Variants in VAPB observed in about 807,000 individuals in gnomAD.
VAPB encodes the protein vesicle-associated membrane protein-associated protein B/C.
Under a neutral mutation model 25.6 loss-of-function variants are expected in VAPB, and 7 were observed. The observed-to-expected ratio is 0.27, with a 90% CI of 0.16 to 0.51. The LOEUF (loss-of-function observed/expected upper bound fraction) is 0.51. VAPB is among the 20% of genes least tolerant of loss of function. The pLI is 0.97. For synonymous variants in VAPB, 112 were observed against 109.2 expected (o/e 1.03, Z -0.16); for missense variants, 266 against 301.3 (o/e 0.88, Z 0.87).
intron 1 of VAPB, among the ~76,000 whole-genome samples, chr20:58,394,869 G>A (rs768309515): frequency 8.5e-5 from 13 of 152,162 alleles, no homozygotes; most frequent in Non-Finnish European, 2.9e-5. Context: ...ATCCAAGTGT[G>A]GATTTACTAA....
chr20:58,437,368 A>C lies in VAPB; in HGVS notation c.316-1577A>C, dbSNP rs1336038488. 2.0e-5 allele frequency among the ~76,000 whole-genome samples: 3 copies of C among 152,270 alleles called. No individual in the cohort carries two copies. In the East Asian group the frequency reaches 5.8e-4, roughly 29 times the overall value. On this transcript the variant is annotated intron_variant, in intron 3 of 5. Coordinates refer to ENST00000475243, the MANE Select transcript of VAPB (RefSeq NM_004738.5). ...GATTATTTCCTCATGATTAAATTCA[A>C]GTTAAATGTGTTTTGGCAAGAATAT... is the stretch of plus-strand genomic sequence containing the variant.
intron 3 of VAPB, among the ~76,000 whole-genome samples, 194 bp from the exon 4 acceptor site, chr20:58,438,751 T>G (rs1041905578): frequency 6.6e-6 from 1 of 152,210 alleles, no homozygotes; most frequent in Non-Finnish European, 1.5e-5. Context: ...TGAAGTGTAA[T>G]ATTTTGAGAA....
chr20:58,402,008 T>G (rs1048861697), intron 1 of VAPB, among the ~76,000 whole-genome samples: 2 of 152,362 alleles, frequency 1.3e-5, no homozygotes, highest in South Asian at 2.1e-4. Context: ...TTAACTGGTC[T>G]TCTTGTCCGA....
intron 1 of VAPB, among the ~76,000 whole-genome samples, chr20:58,399,846 G>A (rs527640757): frequency 6.6e-6 from 1 of 152,064 alleles, no homozygotes; most frequent in Non-Finnish European, 1.5e-5. Flanking sequence ...ACTATCAACT[G>A]TACCTTCCCT....
intron 2 of VAPB, among the ~76,000 whole-genome samples, chr20:58,425,359 G>C (rs1468110019): frequency 6.6e-6 from 1 of 152,198 alleles, no homozygotes; most frequent in African/African-American, 2.4e-5. Flanking sequence ...GGGTAAAGAA[G>C]GGTTTCCTCT....
At chr20:58,436,419 C>T (rs1989047701) in intron 3 of VAPB, among the ~76,000 whole-genome samples, 1 of 150,114 alleles carries the variant, frequency 6.7e-6, no homozygotes, top group Non-Finnish European at 1.5e-5. Flanking sequence ...CTGCAGCCTC[C>T]ACCTCCTGGG....
At chr20:58,442,509 A>T (rs1247140688) in intron 5 of VAPB, among the ~76,000 whole-genome samples, 3 of 152,142 alleles carry the variant, frequency 2.0e-5, no homozygotes, top group African/African-American at 7.2e-5. Flanking sequence ...CTGTGCAGTG[A>T]TACGGGCCAT....
intron 1 of VAPB, among the ~76,000 whole-genome samples, chr20:58,413,709 C>T (rs1988441239): frequency 6.6e-6 from 1 of 151,848 alleles, no homozygotes. Context: ...TCCTCACTTC[C>T]CAGTAGGGGC....
intron 4 of VAPB, chr20:58,440,618 G>A (rs184074622): frequency 2.3e-4 from 75 of 325,514 alleles, no homozygotes; most frequent in African/African-American, 1.5e-3. Context: ...TGATTTTTCC[G>A]TGGCAGGAAT....
In VAPB at chr20:58,444,546, C is replaced by T. The variant is rs1362117719; in HGVS notation, c.*311C>T. On this transcript the variant is annotated 3_prime_UTR_variant, in exon 6 of 6. Coordinates refer to ENST00000475243, the MANE Select transcript of VAPB (RefSeq NM_004738.5). ...AATGTCATTTTAAACATTGGTAGGC[C>T]TTGGTACATGATGCTGGATTACCTC... The T allele has an allele frequency of 2.0e-6, 1 of 498,586 alleles. No homozygotes were observed. Among genetic ancestry groups the T allele is most frequent in the Non-Finnish European group, 3.9e-6 (1 of 256,250 alleles). 30.9% of individuals were successfully genotyped at this position (498,586 alleles called of 1,614,324 possible).
chr20:58,397,678 G>T (rs1400317536), intron 1 of VAPB, among the ~76,000 whole-genome samples: 1 of 152,194 alleles, frequency 6.6e-6, no homozygotes, highest in East Asian at 1.9e-4. Flanking sequence ...CACTTATTAA[G>T]ATAGGAATGT....
intron 4 of VAPB, chr20:58,439,399 A>G (rs1354912866): frequency 3.9e-6 from 1 of 255,230 alleles, no homozygotes; most frequent in Non-Finnish European, 7.7e-6. Context: ...GGAAGCTTTC[A>G]AGTTCTCTTG....
At chr20:58,440,703 C>A in intron 4 of VAPB, 1 of 506,802 alleles carries the variant, frequency 2.0e-6, no homozygotes, top group Non-Finnish European at 3.5e-6. Context: ...ATTATTTGCC[C>A]TTATCCATAA....
intron 2 of VAPB, among the ~76,000 whole-genome samples, chr20:58,428,644 A>G (rs1000267766): frequency 1.3e-5 from 2 of 152,172 alleles, no homozygotes; most frequent in Admixed American, 6.5e-5. Flanking sequence ...AAAGTGAAAT[A>G]AATTTAAGTT....
At chr20:58,441,767 T>G (rs1173369299) in intron 5 of VAPB, among the ~76,000 whole-genome samples, 1 of 152,242 alleles carries the variant, frequency 6.6e-6, no homozygotes, top group Non-Finnish European at 1.5e-5. Context: ...GTGAGAATCT[T>G]TTTTCAGAGA....
intron 5 of VAPB, among the ~76,000 whole-genome samples, chr20:58,442,173 TCTC>T (rs1989175952): frequency 6.6e-6 from 1 of 152,180 alleles, no homozygotes; most frequent in Non-Finnish European, 1.5e-5. Flanking sequence ...TGAGTTTTCT[TCTC>T]TTTTACTCTG....
Position 58,446,079 on chromosome 20 carries a change from T to G in VAPB, c.*1844T>G, listed in dbSNP as rs1457929691. 1 of 454,024 alleles carries G rather than the reference T, an allele frequency of 2.2e-6. No homozygotes were observed. The highest frequency in any genetic ancestry group is 1.6e-5 in the South Asian group (1 of 64,464). The allele number at this position is 454,024 out of a possible 1,614,324, so 28.1% of individuals were successfully genotyped here. A position where few individuals can be genotyped will look rare whatever the true frequency, so the allele number is the denominator to read the frequency against. ...AACTTCCTGTCTTCATGAAAAAAGT[T>G]GACTTTGAATCCCAGGTACTCACAG... On this transcript the variant is annotated 3_prime_UTR_variant, in exon 6 of 6. Transcript: ENST00000475243.
intron 4 of VAPB, chr20:58,439,576 TAGC>T (rs3831866): frequency 0.21 from 33,430 of 159,094 alleles, 4,322 homozygotes; most frequent in South Asian, 0.4. Context: ...GTTTTATTAA[TAGC>T]AGCATCCCTG....
In VAPB at chr20:58,448,108, C is replaced by T. The variant is rs1312949919; in HGVS notation, c.*3873C>T. ...ACCTCTCTTAATTAACACTTGGGGC[C>T]ATGTTTGCTGTTGTTGAGAAGGAGT... On this transcript the variant is annotated 3_prime_UTR_variant, in exon 6 of 6. Coordinates refer to ENST00000475243, the MANE Select transcript of VAPB (RefSeq NM_004738.5). The T allele has an allele frequency of 2.2e-6, 1 of 453,902 alleles. No homozygotes were observed. Among genetic ancestry groups the T allele is most frequent in the East Asian group, 7.0e-5 (1 of 14,376 alleles). The allele number at this position is 453,902 out of a possible 1,614,324, so 28.1% of individuals were successfully genotyped here.
Sources: gnomAD v4.1 joint callset for allele counts (sites outside exome capture counted in the v4.1 genomes callset) on GRCh38, gnomAD v4.1.1 for gene constraint, MANE v1.5 for transcripts, NCBI Gene and HGNC (gene_info 2026-07-23, HGNC 2026-07-21) for gene names.